TOPAZ1: variants seen among roughly 807,000 people sequenced by gnomAD.
The protein encoded by TOPAZ1 is testis and ovary specific TOPAZ 1.
TOPAZ1 carries 66 observed loss-of-function variants against 172.2 expected under a neutral mutation model. That is an observed-to-expected ratio of 0.38 (90% CI 0.31 to 0.47). TOPAZ1 has a LOEUF of 0.47. Among genes scored for constraint, TOPAZ1 ranks in the 20% least tolerant of loss-of-function variants. TOPAZ1 has a pLI of 0.99. For missense variants in TOPAZ1, 1,822 were observed against 1,972.4 expected (o/e 0.92, Z 1.44); for synonymous variants, 681 against 683.9 (o/e 1.00, Z 0.07).
At position 44,254,982 on chromosome 3, in the gene TOPAZ1, T is replaced by C. The variant is rs146000212; in HGVS notation, c.2780T>C (p.Leu927Pro). 772 of 1,551,436 alleles carry C rather than the reference T, an allele frequency of 5.0e-4. 8 individuals are homozygous for C. In the African/African-American group the frequency reaches 9.2e-3, roughly 18 times the overall value. The change falls in exon 3 of 20, where the codon CTG (leucine) becomes CCG (proline). Residue 927 changes from leucine (L) to proline (P), a missense_variant. Leu to Pro is a moderately conservative substitution (Grantham distance 98, BLOSUM62 -3). Coordinates refer to ENST00000309765, the MANE Select transcript of TOPAZ1 (RefSeq NM_001145030.2). The part of the protein sequence containing the change: ...PSDDLRELPV[L>P]DCGWIKPDIC... ...CTTTATAATAGAGAACTTCCTGTAC[T>C]GGACTGTGGATGGATAAAGCCAGAC...
chr3:44,247,385 T>G (rs1699578444), intron 2 of TOPAZ1, among the ~76,000 whole-genome samples: 1 of 152,220 alleles, frequency 6.6e-6, no homozygotes, highest in Admixed American at 6.5e-5. Context: ...AAAGTTTGAG[T>G]TTTAGCTTCA....
Position 44,307,692 on chromosome 3 carries a change from A to G in TOPAZ1, c.4140+1266A>G, listed in dbSNP as rs564313443. Reference sequence around the variant, plus strand: ...TGCTTTTATAAAGAGGTTATTTCACAATTGAATATATACGTTCAATAACAT... The same window carrying G: ...TGCTTTTATAAAGAGGTTATTTCACGATTGAATATATACGTTCAATAACAT... On this transcript the variant is annotated intron_variant, in intron 15 of 19. Coordinates refer to ENST00000309765, the MANE Select transcript of TOPAZ1 (RefSeq NM_001145030.2). Among the ~76,000 whole-genome samples, 3 of 152,316 alleles carry G rather than the reference A, an allele frequency of 2.0e-5. No homozygotes were observed. The South Asian group carries it at 6.2e-4, about 32-fold the overall frequency.
chr3:44,330,411 A>G (rs1700654564), intron 19 of TOPAZ1, among the ~76,000 whole-genome samples: 1 of 152,110 alleles, frequency 6.6e-6, no homozygotes, highest in African/African-American at 2.4e-5. Flanking sequence ...TATTTTCTCT[A>G]TTGTCATTAT....
chr3:44,315,105 G>GTGGATGGATGGA (rs34398632), intron 16 of TOPAZ1, among the ~76,000 whole-genome samples: 56,931 of 149,876 alleles, frequency 0.38, 12,119 homozygotes, highest in East Asian at 0.66. Context: ...ATTAGTTGAG[G>GTGGATGGATGGA]TGGATGGATG....
At chr3:44,259,680 C>G (rs1271327152) in intron 4 of TOPAZ1, among the ~76,000 whole-genome samples, 2 of 152,136 alleles carry the variant, frequency 1.3e-5, no homozygotes, top group Non-Finnish European at 2.9e-5. Context: ...ATAGAGATTG[C>G]TTTGATTTAT....
downstream of TOPAZ1, among the ~76,000 whole-genome samples, chr3:44,334,338 A>G (rs1397458365): frequency 1.3e-5 from 2 of 152,184 alleles, no homozygotes; most frequent in African/African-American, 4.8e-5. Context: ...GAAACGGCAC[A>G]GTGAAGAGGG....
chr3:44,259,817 G>A (rs1386156617), intron 4 of TOPAZ1, among the ~76,000 whole-genome samples: 3 of 152,198 alleles, frequency 2.0e-5, no homozygotes, highest in African/African-American at 7.2e-5. Flanking sequence ...TCTCTTATGA[G>A]TCTAGTTAAA....
intron 5 of TOPAZ1, among the ~76,000 whole-genome samples, 158 bp from the exon 6 acceptor site, chr3:44,266,839 A>G (rs761206621): frequency 2.0e-5 from 3 of 152,232 alleles, no homozygotes; most frequent in Non-Finnish European, 2.9e-5. Flanking sequence ...AATGGCACCA[A>G]TTAGACTTGC....
At position 44,255,670 on chromosome 3, in the gene TOPAZ1, TACACACACACACACAC is replaced by T. The variant is rs71085609; in HGVS notation, c.2828-445_2828-430del. 8.0e-4 allele frequency among the ~76,000 whole-genome samples: 37 copies of T among 46,362 alleles called. 1 individual carries two copies. The highest frequency in any genetic ancestry group is 7.5e-3 in the East Asian group (10 of 1,334). The allele number at this position is 46,362 out of a possible 152,430, so 30.4% of individuals were successfully genotyped here. A position where few individuals can be genotyped will look rare whatever the true frequency, so the allele number is the denominator to read the frequency against. On this transcript the variant is annotated intron_variant, in intron 3 of 19. Coordinates refer to ENST00000309765, the MANE Select transcript of TOPAZ1 (RefSeq NM_001145030.2). ...CTGTCTCAAAAAAAAAAAATATATA[TACACACACACACACAC>T]ACACACACACACACACACACACACA...
At position 44,313,212 on chromosome 3, in the gene TOPAZ1, C is replaced by T. The variant is rs188554609; in HGVS notation, c.4306+3222C>T. Among the ~76,000 whole-genome samples the T allele has an allele frequency of 8.1e-3, 1,232 of 152,196 alleles. 24 individuals carry two copies. Among genetic ancestry groups the T allele is most frequent in the African/African-American group, 0.028 (1,150 of 41,522 alleles). On this transcript the variant is annotated intron_variant, in intron 16 of 19. Coordinates refer to ENST00000309765, the MANE Select transcript of TOPAZ1 (RefSeq NM_001145030.2). ...ATCTTACTTTTCCTTAGGATAAATT[C>T]TGATGGAATTGCTGTGTTAAAGGGT...
chr3:44,308,577 G>T (rs187240000), intron 15 of TOPAZ1, among the ~76,000 whole-genome samples: 1 of 151,950 alleles, frequency 6.6e-6, no homozygotes, highest in African/African-American at 2.4e-5. Flanking sequence ...GAATAGTGCC[G>T]CAATAAACAT....
chr3:44,323,778 A>G (rs1026202640), intron 18 of TOPAZ1, among the ~76,000 whole-genome samples: 1 of 152,206 alleles, frequency 6.6e-6, no homozygotes, highest in Non-Finnish European at 1.5e-5. Flanking sequence ...GCTTTTAGTA[A>G]TAGAACTTTG....
At chr3:44,301,530 CAT>C (rs1700272297) in intron 12 of TOPAZ1, among the ~76,000 whole-genome samples, 1 of 152,180 alleles carries the variant, frequency 6.6e-6, no homozygotes, top group Non-Finnish European at 1.5e-5. Context: ...AGCTTTCTAA[CAT>C]AATGTGTTAG....
intron 9 of TOPAZ1, among the ~76,000 whole-genome samples, chr3:44,287,120 A>G (rs1210544037): frequency 6.6e-6 from 1 of 152,140 alleles, no homozygotes; most frequent in East Asian, 1.9e-4. Context: ...TGACGCTATG[A>G]TGTATGGGAA....
Position 44,267,152 on chromosome 3 carries a change from T to A in TOPAZ1, c.3160+16T>A. 2.7e-6 allele frequency: 4 copies of A among 1,487,096 alleles called. No homozygotes were observed. Among genetic ancestry groups the A allele is most frequent in the Non-Finnish European group, 2.7e-6 (3 of 1,118,872 alleles). The allele number at this position is 1,487,096 out of a possible 1,614,324, so 92.1% of individuals were successfully genotyped here. ...TGGATGAATGGTACTATTTGTTTTC[T>A]TAATGAAATCCTGTTGGCTTTTGGT... On this transcript the variant is annotated intron_variant, in intron 6 of 19. Transcript: ENST00000309765.
rs1239988482 is a variant in TOPAZ1, at chr3:44,242,069, C to A, written c.16C>A (p.Pro6Thr). 5.2e-6 allele frequency: 8 copies of A among 1,545,590 alleles called. No homozygotes were observed. Among genetic ancestry groups the A allele is most frequent in the Non-Finnish European group, 7.0e-6 (8 of 1,146,358 alleles). ...CCCGGGGCACATGCGACGACCTCCA[C>A]CCCTGGGCCCCACGACGGCCTCAGG... The part of the protein sequence containing the change: MRRPP[P>T]LGPTTASGPE... Residue 6 changes from proline to threonine, a missense_variant, in exon 1 of 20, where the codon CCC (proline) becomes ACC (threonine). Pro to Thr is a conservative substitution (Grantham distance 38, BLOSUM62 -1). This residue lies in a region of TOPAZ1 where 1,489 missense variants were observed against 1,490.8 expected (regional missense o/e 1.00). Transcript: ENST00000309765.
chr3:44,264,547 T>C (rs555080428), intron 5 of TOPAZ1, among the ~76,000 whole-genome samples: 1 of 152,296 alleles, frequency 6.6e-6, no homozygotes, highest in South Asian at 2.1e-4. Flanking sequence ...GGTTGAAGAT[T>C]GGGGTGAAGG....
At chr3:44,292,310 A>G (rs1399301398) in intron 12 of TOPAZ1, among the ~76,000 whole-genome samples, 1 of 152,234 alleles carries the variant, frequency 6.6e-6, no homozygotes, top group African/African-American at 2.4e-5. Flanking sequence ...TAAGGAAAGT[A>G]TAATTCATCC....
chr3:44,313,896 G>A (rs1700424311), intron 16 of TOPAZ1, among the ~76,000 whole-genome samples: 1 of 152,242 alleles, frequency 6.6e-6, no homozygotes, highest in Non-Finnish European at 1.5e-5. Flanking sequence ...CCTTCAGTTA[G>A]ATTGTAGTAA....
Sources: allele counts gnomAD v4.1 joint callset (sites outside exome capture counted in the v4.1 genomes callset), GRCh38; gene constraint gnomAD v4.1.1; regional missense constraint gnomAD v4.1.1; transcripts MANE v1.5; gene names NCBI Gene and HGNC (gene_info 2026-07-23, HGNC 2026-07-21).